CPT2: variants seen among roughly 807,000 people sequenced by gnomAD.
CPT2 encodes the protein carnitine O-palmitoyltransferase 2, mitochondrial.
In CPT2, 37 loss-of-function variants were observed where a neutral mutation model predicts 48.6. The ratio of observed to expected loss-of-function variants is 0.76; its 90% CI spans 0.59 to 1.00. CPT2 has a LOEUF of 1.00. Among genes scored for constraint, CPT2 ranks in the 50% least tolerant of loss-of-function variants. The pLI is 0.00. For synonymous variants in CPT2, 319 were observed against 326.9 expected, an observed-to-expected ratio of 0.98 and a Z score of 0.26; for missense variants, 772 against 825.6, an observed-to-expected ratio of 0.94 and a Z score of 0.80.
chr1:53,208,424 C>T (rs1004735964), intron 3 of CPT2: 4 of 152,210 alleles, frequency 2.6e-5, no homozygotes, highest in Non-Finnish European at 5.9e-5. Flanking sequence ...GTTTACTAAT[C>T]CCAGCAGGAA....
At chr1:53,199,835 T>C (rs1262862334) in intron 1 of CPT2, 1 of 152,234 alleles carries the variant, frequency 6.6e-6, no homozygotes, top group Non-Finnish European at 1.5e-5. Context: ...GTATATCTTA[T>C]ATTAGGCTTT....
chr1:53,196,975 C>G lies in CPT2; in HGVS notation c.32C>G (p.Pro11Arg). The part of the protein sequence containing the change: MVPRLLLRAW[P>R]RGPAVGPGAP... ...CCCCGCCTGCTGCTGCGCGCCTGGC[C>G]CCGGGGCCCCGCGGTTGGTCCGGGA... The change falls in exon 1 of 5, where the codon CCC becomes CGC. Residue 11 changes from proline to arginine, a missense_variant. By Grantham distance (103) the Pro-to-Arg change is moderately radical. Coordinates refer to ENST00000371486, the MANE Select transcript of CPT2 (RefSeq NM_000098.3). 1.3e-6 allele frequency: 2 copies of G among 1,528,424 alleles called. No homozygotes were observed. Among genetic ancestry groups the G allele is most frequent in the Non-Finnish European group, 1.7e-6 (2 of 1,144,230 alleles). 94.7% of individuals were successfully genotyped at this position (1,528,424 alleles called of 1,614,324 possible). A position where few individuals can be genotyped will look rare whatever the true frequency, so the allele number is the denominator to read the frequency against.
At chr1:53,211,598 T>TTA in intron 4 of CPT2, 1 of 468,332 alleles carries the variant, frequency 2.1e-6, no homozygotes, top group Non-Finnish European at 3.7e-6. Context: ...TCTTTTTTCT[T>TTA]TCTTTTTTTT....
rs1352656413 is a variant in CPT2, at chr1:53,200,765, G to A, written c.199G>A (p.Ala67Thr). The A allele has an allele frequency of 6.2e-7, 1 of 1,614,118 alleles. No individual in the cohort carries two copies. The highest frequency in any genetic ancestry group is 1.7e-5 in the Admixed American group (1 of 60,030). The stretch of plus-strand genomic sequence containing the variant: ...AGACACCATTAGGAGATACCTCAGT[G>A]CACAGAAGCCTCTCTTGAATGATGG... ...LEDTIRRYLSAQKPLLNDGQF... is the reference protein window; with the variant it reads ...LEDTIRRYLSTQKPLLNDGQF... Residue 67 changes from alanine (A) to threonine (T), a missense_variant, in exon 2 of 5, where the codon GCA becomes ACA. Physicochemically the swap from Ala to Thr is moderately conservative, Grantham distance 58 (BLOSUM62 0). Transcript: ENST00000371486.
chr1:53,213,217 G>A, intron 4 of CPT2, 47 bp from the exon 5 acceptor site: 1 of 1,602,578 alleles, frequency 6.2e-7, no homozygotes. Context: ...TTTTCCTGAG[G>A]TCCTTTTCCA....
chr1:53,206,150 T>G (rs1459155109), intron 3 of CPT2, among the ~76,000 whole-genome samples: 1 of 134,404 alleles, frequency 7.4e-6, no homozygotes, highest in Admixed American at 8.5e-5. Context: ...ACCACTGCAC[T>G]CCAGTCTGGG....
chr1:53,212,067 A>ATTT (rs11441059), intron 4 of CPT2, among the ~76,000 whole-genome samples: 32 of 138,856 alleles, frequency 2.3e-4, no homozygotes, highest in Middle Eastern at 3.8e-3. Context: ...TGATATTTTA[A>ATTT]TTTTTTTTTT....
chr1:53,200,605 T>G (rs952722221), intron 1 of CPT2, 114 bp from the exon 2 acceptor site: 3 of 837,698 alleles, frequency 3.6e-6, no homozygotes, highest in Non-Finnish European at 6.2e-6. Flanking sequence ...TCGCTTCTGA[T>G]TATTGGTTTT....
At chr1:53,202,583 T>A in intron 3 of CPT2, 154 bp downstream of exon 3, 1 of 702,506 alleles carries the variant, frequency 1.4e-6, no homozygotes, top group Non-Finnish European at 2.6e-6. Context: ...AAATTAAGGC[T>A]GAGTGTGTTC....
At chr1:53,203,950 C>G (rs1021262227) in intron 3 of CPT2, 5 of 152,124 alleles carry the variant, frequency 3.3e-5, no homozygotes, top group African/African-American at 9.7e-5. Flanking sequence ...TGTCTTTTAG[C>G]ATCCAGTGTT....
chr1:53,205,107 CAGA>C (rs1402898329), intron 3 of CPT2, among the ~76,000 whole-genome samples: 3 of 152,146 alleles, frequency 2.0e-5, no homozygotes, highest in Non-Finnish European at 4.4e-5. Context: ...TTGGAGGGGT[CAGA>C]AGAAGACAGG....
chr1:53,207,014 G>T (rs928315357), intron 3 of CPT2, among the ~76,000 whole-genome samples: 5 of 152,176 alleles, frequency 3.3e-5, no homozygotes, highest in African/African-American at 4.8e-5. Context: ...GAGGTGATTG[G>T]ATCATGGGGT....
intron 1 of CPT2, chr1:53,197,453 A>C (rs1429773448): frequency 1.1e-5 from 4 of 376,800 alleles, no homozygotes; most frequent in East Asian, 6.8e-5. Context: ...TCCCTCGACT[A>C]TGGTGTCTCC....
At chr1:53,209,806 G>GTGA in intron 3 of CPT2, 1 of 600,040 alleles carries the variant, frequency 1.7e-6, no homozygotes, top group East Asian at 2.8e-5. Context: ...ATTATTGTAA[G>GTGA]TGATAGAAGC....
In CPT2 at chr1:53,200,770, G is replaced by A. The variant is rs777038982; in HGVS notation, c.204G>A (p.Gln68=). Reference sequence around the variant, plus strand: ...CCATTAGGAGATACCTCAGTGCACAGAAGCCTCTCTTGAATGATGGCCAGT... The same window carrying A: ...CCATTAGGAGATACCTCAGTGCACAAAAGCCTCTCTTGAATGATGGCCAGT... ...EDTIRRYLSA[Q]KPLLNDGQFR... Residue 68 remains glutamine (Q), a synonymous_variant, in exon 2 of 5, where the codon CAG becomes CAA. Transcript: ENST00000371486. 3.1e-6 allele frequency: 5 copies of A among 1,614,102 alleles called. No homozygotes were observed. The South Asian group carries it at 5.5e-5, about 18-fold the overall frequency.
At chr1:53,198,707 T>C (rs1247403739) in intron 1 of CPT2, among the ~76,000 whole-genome samples, 2 of 152,202 alleles carry the variant, frequency 1.3e-5, no homozygotes, top group African/African-American at 4.8e-5. Flanking sequence ...GGAAAGAATA[T>C]TCAAGATTAT....
chr1:53,212,835 A>T (rs930439865), intron 4 of CPT2: 1 of 443,846 alleles, frequency 2.3e-6, no homozygotes, highest in Non-Finnish European at 4.0e-6. Context: ...TAAGACTGAG[A>T]TTCGAACCCT....
Position 53,210,226 on chromosome 1 carries a change from C to A in CPT2, c.552C>A (p.Asp184Glu). The A allele has an allele frequency of 6.2e-7, 1 of 1,614,098 alleles. No homozygotes were observed. The highest frequency in any genetic ancestry group is 8.5e-7 in the Non-Finnish European group (1 of 1,179,936). ...TCCACTTGAACCCTGCAAAAAGTGA[C>A]ACTATCACCTTCAAGAGACTCATAC... is the stretch of plus-strand genomic sequence containing the variant. ...EVFHLNPAKS[D>E]TITFKRLIRF... is the part of the protein sequence containing the mutation. The change falls in exon 4 of 5, where the codon GAC becomes GAA. Residue 184 changes from aspartate (D) to glutamate (E), a missense_variant. Transcript: ENST00000371486.
In CPT2 at chr1:53,210,356, A is replaced by G; in HGVS notation, c.682A>G (p.Lys228Glu). ...GCTTTTCAACTCAACTCGTTTACCC[A>G]AACCCAGTCGGGATGAACTCTTCAC... ...FRLFNSTRLPKPSRDELFTDD... is the reference protein window; with the variant it reads ...FRLFNSTRLPEPSRDELFTDD... Residue 228 changes from lysine (K) to glutamate (E), a missense_variant, in exon 4 of 5, where the codon AAA (lysine) becomes GAA (glutamate). Physicochemically the swap from Lys to Glu is moderately conservative, Grantham distance 56. Coordinates refer to ENST00000371486, the MANE Select transcript of CPT2 (RefSeq NM_000098.3). 6.2e-7 allele frequency: 1 copy of G among 1,614,124 alleles called. No homozygotes were observed.
Sources: gnomAD v4.1 joint callset for allele counts (sites outside exome capture counted in the v4.1 genomes callset) on GRCh38, gnomAD v4.1.1 for gene constraint, MANE v1.5 for transcripts, NCBI Gene and HGNC (gene_info 2026-07-23, HGNC 2026-07-21) for gene names.